The following ZNF804A variants were observed in gnomAD, a reference collection of about 807,000 sequenced individuals.
ZNF804A encodes zinc finger protein 804A.
In ZNF804A, 2 loss-of-function variants were observed where a neutral mutation model predicts 16.5. That is an observed-to-expected ratio of 0.12 (90% CI 0.05 to 0.38). The LOEUF (loss-of-function observed/expected upper bound fraction) is 0.38, where lower values mean the gene tolerates loss of function less well. Among genes scored for constraint, ZNF804A ranks in the 10% least tolerant of loss-of-function variants. The probability of loss-of-function intolerance (pLI) is 0.99; values close to 1 mark genes in which losing one functional copy is unlikely to be tolerated. For synonymous variants in ZNF804A, 534 were observed against 489.6 expected (o/e 1.09, Z -1.20); for missense variants, 1,473 against 1,390.7 (o/e 1.06, Z -0.94).
intron 2 of ZNF804A, among the ~76,000 whole-genome samples, chr2:184,873,829 T>C (rs551082952): frequency 6.6e-6 from 1 of 152,226 alleles, no homozygotes; most frequent in East Asian, 1.9e-4. Context: ...GTTGATAATA[T>C]CAAGTGATAA....
intron 2 of ZNF804A, among the ~76,000 whole-genome samples, chr2:184,897,130 C>G (rs1172572401): frequency 6.6e-6 from 1 of 151,944 alleles, no homozygotes; most frequent in South Asian, 2.1e-4. Context: ...TGTACAATGT[C>G]CCTCAACTGG....
At chr2:184,883,066 C>A (rs981475471) in intron 2 of ZNF804A, among the ~76,000 whole-genome samples, 4 of 151,884 alleles carry the variant, frequency 2.6e-5, no homozygotes. Flanking sequence ...GAGAGAAGAT[C>A]TCAAATAACA....
intron 1 of ZNF804A, among the ~76,000 whole-genome samples, chr2:184,795,762 T>TA (rs886133707): frequency 1.3e-5 from 2 of 150,624 alleles, no homozygotes; most frequent in African/African-American, 4.9e-5. Flanking sequence ...ACTGCTGAAA[T>TA]AAAAAAGACC....
In ZNF804A at chr2:184,937,103, A is replaced by G; in HGVS notation, c.1707A>G (p.Lys569=). The change falls in exon 4 of 4, where the codon AAA becomes AAG. Residue 569 remains lysine (K), a synonymous_variant. Transcript: ENST00000302277. The part of the protein sequence containing the change: ...EKYNFTKSQI[K]QDTLDEKYNK... ...ATAATTTTACTAAAAGTCAAATAAA[A>G]CAGGACACTCTAGATGAAAAATACA... 1 of 1,606,056 alleles carries G rather than the reference A, an allele frequency of 6.2e-7. No homozygotes were observed. The highest frequency in any genetic ancestry group is 8.5e-7 in the Non-Finnish European group (1 of 1,177,938).
chr2:184,845,506 C>T (rs1217680088), intron 1 of ZNF804A, among the ~76,000 whole-genome samples: 2 of 152,010 alleles, frequency 1.3e-5, no homozygotes, highest in African/African-American at 2.4e-5. Context: ...GACAATGTTG[C>T]CCACACTTCC....
chr2:184,815,780 G>A (rs955309787), intron 1 of ZNF804A, among the ~76,000 whole-genome samples: 9 of 151,944 alleles, frequency 5.9e-5, no homozygotes, highest in Non-Finnish European at 1.2e-4. Context: ...AATATAGATA[G>A]TTAACATCTT....
intron 1 of ZNF804A, among the ~76,000 whole-genome samples, chr2:184,799,069 T>C (rs568771022): frequency 1.3e-5 from 2 of 152,180 alleles, no homozygotes; most frequent in Non-Finnish European, 2.9e-5. Flanking sequence ...TCCTGTGATA[T>C]GAATCGTCTG....
chr2:184,730,753 T>TG (rs1461302425), intron 1 of ZNF804A, among the ~76,000 whole-genome samples: 4 of 152,150 alleles, frequency 2.6e-5, no homozygotes, highest in African/African-American at 4.8e-5. Flanking sequence ...GGATGTGCCA[T>TG]GGTTTATTTG....
At chr2:184,802,120 G>A (rs566692026) in intron 1 of ZNF804A, among the ~76,000 whole-genome samples, 12 of 152,224 alleles carry the variant, frequency 7.9e-5, no homozygotes, top group South Asian at 6.2e-4. Context: ...GTAAGGTGCC[G>A]AAGAAAGGGT....
intron 1 of ZNF804A, among the ~76,000 whole-genome samples, chr2:184,782,366 G>C (rs1408622157): frequency 6.6e-6 from 1 of 151,466 alleles, no homozygotes; most frequent in East Asian, 2.0e-4. Flanking sequence ...GGGAAAGGCA[G>C]ACCCACCCTT....
At position 184,782,131 on chromosome 2, in the gene ZNF804A, G is replaced by A. The variant is rs779315642; in HGVS notation, c.112-84238G>A. Among the ~76,000 whole-genome samples the A allele has an allele frequency of 4.6e-5, 7 of 151,818 alleles. 2 individuals are homozygous for A. The South Asian group carries it at 1.0e-3, about 22-fold the overall frequency. On this transcript the variant is annotated intron_variant, in intron 1 of 3. Coordinates refer to ENST00000302277, the MANE Select transcript of ZNF804A (RefSeq NM_194250.2). ...TTTGAGGGCCTTATCTTCAAATACA[G>A]TCACATTTTTAAGTACTTGGGGTTA...
rs551374257 is a variant in ZNF804A, at chr2:184,677,855, C to A, written c.111+78785C>A. ...AGCTTTAAAATTATATAATTTTTAT[C>A]CTGTTTCTATTGGAATTCGGTCCCA... On this transcript the variant is annotated intron_variant, in intron 1 of 3. Coordinates refer to ENST00000302277, the MANE Select transcript of ZNF804A (RefSeq NM_194250.2). Among the ~76,000 whole-genome samples, 362 of 151,962 alleles carry A rather than the reference C, an allele frequency of 2.4e-3. 4 individuals are homozygous for A. Among genetic ancestry groups the A allele is most frequent in the Non-Finnish European group, 2.9e-4 (20 of 67,866 alleles).
At chr2:184,626,865 G>A (rs986739518) in intron 1 of ZNF804A, among the ~76,000 whole-genome samples, 1 of 152,192 alleles carries the variant, frequency 6.6e-6, no homozygotes, top group African/African-American at 2.4e-5. Flanking sequence ...GGATGGGTAT[G>A]AGCAGAGAAG....
chr2:184,772,271 A>T (rs1694227651), intron 1 of ZNF804A, among the ~76,000 whole-genome samples: 1 of 151,682 alleles, frequency 6.6e-6, no homozygotes, highest in African/African-American at 2.4e-5. Flanking sequence ...TGACCAAAAA[A>T]AAAAAAAAAC....
chr2:184,933,951 T>C (rs1285174540), intron 3 of ZNF804A, among the ~76,000 whole-genome samples: 3 of 152,146 alleles, frequency 2.0e-5, no homozygotes, highest in African/African-American at 7.2e-5. Flanking sequence ...AAAATTACTG[T>C]AATTTTGGAT....
chr2:184,937,676 T>C lies in ZNF804A; in HGVS notation c.2280T>C (p.Ser760=), dbSNP rs143088494. The change falls in exon 4 of 4, where the codon TCT becomes TCC. Residue 760 remains serine, a synonymous_variant. Transcript: ENST00000302277. The stretch of plus-strand genomic sequence containing the variant: ...AGGCTGTTAAAAGAGGTTACAATTC[T>C]GTCATGAATGAATCAGAAAGATTCT... The part of the protein sequence containing the change: ...QNQAVKRGYN[S]VMNESERFYR... The C allele has an allele frequency of 1.3e-4, 217 of 1,614,108 alleles. No individual in the cohort carries two copies. Among genetic ancestry groups the C allele is most frequent in the South Asian group, 4.1e-4 (37 of 91,088 alleles).
intron 1 of ZNF804A, among the ~76,000 whole-genome samples, chr2:184,836,239 G>A (rs1695343791): frequency 6.6e-6 from 1 of 152,112 alleles, no homozygotes; most frequent in African/African-American, 2.4e-5. Context: ...TAGATAATGA[G>A]TGCCATTATG....
In ZNF804A at chr2:184,767,232, T is replaced by C. The variant is rs1694142327; in HGVS notation, c.112-99137T>C. ...CTGGTGGATGAGCAGATAGACATAATGGAGTATATGCACACAATGGAATAT... is the reference window on the plus strand; with the variant it reads ...CTGGTGGATGAGCAGATAGACATAACGGAGTATATGCACACAATGGAATAT... On this transcript the variant is annotated intron_variant, in intron 1 of 3. Transcript: ENST00000302277. Among the ~76,000 whole-genome samples the C allele has an allele frequency of 3.9e-5, 6 of 152,254 alleles. No individual in the cohort carries two copies. In the South Asian group the frequency reaches 1.2e-3, roughly 32 times the overall value.
chr2:184,875,701 T>C (rs1400915716), intron 2 of ZNF804A, among the ~76,000 whole-genome samples: 4 of 149,590 alleles, frequency 2.7e-5, no homozygotes, highest in African/African-American at 9.9e-5. Context: ...GATTCTTTCA[T>C]ATAACAAGAT....
Sources: allele counts gnomAD v4.1 joint callset (sites outside exome capture counted in the v4.1 genomes callset), GRCh38; gene constraint gnomAD v4.1.1; transcripts MANE v1.5; gene names NCBI Gene and HGNC (gene_info 2026-07-23, HGNC 2026-07-21).